The following ARHGEF18 variants were observed in gnomAD, a reference collection of about 807,000 sequenced individuals.
ARHGEF18 encodes rho guanine nucleotide exchange factor 18.
A neutral mutation model predicts 155.7 loss-of-function variants in ARHGEF18; 93 were observed. The ratio of observed to expected loss-of-function variants is 0.60; its 90% CI spans 0.50 to 0.71. The LOEUF (loss-of-function observed/expected upper bound fraction) is 0.71, where lower values mean the gene tolerates loss of function less well. Ranked by LOEUF, ARHGEF18 falls within the 30% of genes least tolerant of loss-of-function variation. ARHGEF18 has a pLI of 0.00. For missense variants in ARHGEF18, 1,593 were observed against 1,816.1 expected (o/e 0.88, Z 2.23); for synonymous variants, 742 against 753.1 (o/e 0.99, Z 0.24).
chr19:7,429,965 C>CTT (rs539476076), intron 10 of ARHGEF18, among the ~76,000 whole-genome samples: 16 of 144,126 alleles, frequency 1.1e-4, no homozygotes, highest in African/African-American at 3.6e-4. Context: ...CCTCAATATA[C>CTT]TTTTTTTTTT....
Position 7,420,029 on chromosome 19 carries a change from C to T in ARHGEF18, c.968-20315C>T, listed in dbSNP as rs535649144. The stretch of plus-strand genomic sequence containing the variant: ...TCGGCCCCTGCACCCCAGGTGCACC[C>T]ACACTCAGCCCCCACACTCACGCTA... On this transcript the variant is annotated intron_variant, in intron 10 of 28. Transcript: ENST00000668164. 1.2e-4 allele frequency among the ~76,000 whole-genome samples: 19 copies of T among 152,166 alleles called. No individual in the cohort carries two copies. The East Asian group carries it at 3.5e-3, about 28-fold the overall frequency.
In ARHGEF18 at chr19:7,395,850, T is replaced by A. The variant is rs1971668876; in HGVS notation, c.967+12647T>A. Among the ~76,000 whole-genome samples, 1 of 152,224 alleles carries A rather than the reference T, an allele frequency of 6.6e-6. No individual in the cohort carries two copies. The highest frequency in any genetic ancestry group is 1.5e-5 in the Non-Finnish European group (1 of 68,040). ...TCGTTTTGTTTTACGTTTTTAAATTTCAACTTTTATTTGAGATTGAGGGGG... is the reference window on the plus strand; with the variant it reads ...TCGTTTTGTTTTACGTTTTTAAATTACAACTTTTATTTGAGATTGAGGGGG... On this transcript the variant is annotated intron_variant, in intron 10 of 28. Coordinates refer to ENST00000668164, the MANE Select transcript of ARHGEF18 (RefSeq NM_001367823.1). This position sits in a 1 kb window ranked among gnomAD's most constrained non-coding sequence, Gnocchi z 5.0.
At chr19:7,380,396 G>A (rs1353270977) in intron 7 of ARHGEF18, among the ~76,000 whole-genome samples, 4 of 150,900 alleles carry the variant, frequency 2.7e-5, no homozygotes, top group Non-Finnish European at 4.4e-5. Flanking sequence ...GGAGAATGGC[G>A]TGAACCCAGG....
At chr19:7,399,534 T>G (rs937276735) in intron 10 of ARHGEF18, among the ~76,000 whole-genome samples, 6 of 151,060 alleles carry the variant, frequency 4.0e-5, no homozygotes, top group Non-Finnish European at 8.8e-5. Context: ...CAGCCTGGAG[T>G]GCAGTGGCGC....
intron 25 of ARHGEF18, 22 bp downstream of exon 25, chr19:7,467,140 G>A (rs762550252): frequency 3.2e-6 from 5 of 1,586,418 alleles, no homozygotes; most frequent in Middle Eastern, 3.4e-4. Flanking sequence ...GGGTGGGGCC[G>A]GCCACGCGTG....
At chr19:7,443,258 T>C (rs1974783586) in intron 13 of ARHGEF18, among the ~76,000 whole-genome samples, 1 of 152,084 alleles carries the variant, frequency 6.6e-6, no homozygotes, top group African/African-American at 2.4e-5. Flanking sequence ...TGTTTCACCA[T>C]GTTGGTCAGG....
chr19:7,422,818 A>C (rs1973443362), intron 10 of ARHGEF18, among the ~76,000 whole-genome samples: 1 of 147,480 alleles, frequency 6.8e-6, no homozygotes, highest in Non-Finnish European at 1.5e-5. Context: ...TCCCAGGTTC[A>C]AGCAATTCTC....
At chr19:7,367,658 C>A (rs113823023) in intron 2 of ARHGEF18, among the ~76,000 whole-genome samples, 14,124 of 144,974 alleles carry the variant, frequency 0.097, 1,898 homozygotes, top group African/African-American at 0.32. Context: ...AGGCAGGAGA[C>A]TCACTTGAAC....
intron 1 of ARHGEF18, among the ~76,000 whole-genome samples, chr19:7,362,087 A>G (rs1466430837): frequency 6.2e-5 from 1 of 16,224 alleles, no homozygotes; most frequent in Non-Finnish European, 1.1e-4. Flanking sequence ...GAGAAGGAGA[A>G]GGAGAAGGAG....
chr19:7,368,020 C>CGGAAGGAA (rs374690580), intron 2 of ARHGEF18, among the ~76,000 whole-genome samples: 27 of 95,188 alleles, frequency 2.8e-4, no homozygotes, highest in South Asian at 9.3e-4. Context: ...GGAGGGAGGG[C>CGGAAGGAA]GGAAGGAAGG....
chr19:7,367,746 CAAAA>C (rs776839774), intron 2 of ARHGEF18, among the ~76,000 whole-genome samples: 14 of 36,332 alleles, frequency 3.9e-4, no homozygotes, highest in East Asian at 1.7e-3. Context: ...AACTCCATCT[CAAAA>C]AAAAAAAAAT....
At chr19:7,362,134 A>G (rs1160658518) in intron 1 of ARHGEF18, among the ~76,000 whole-genome samples, 2 of 35,028 alleles carry the variant, frequency 5.7e-5, no homozygotes, top group African/African-American at 5.2e-4. Flanking sequence ...GGAGAAGGAG[A>G]AGGAGAAGGA....
At chr19:7,360,603 G>A (rs1023687801) in intron 1 of ARHGEF18, among the ~76,000 whole-genome samples, 2 of 152,156 alleles carry the variant, frequency 1.3e-5, no homozygotes, top group Non-Finnish European at 2.9e-5. Context: ...AGGGCATGAG[G>A]TCCTGCAGGC....
At chr19:7,460,634 T>TCA (rs71179115) in intron 20 of ARHGEF18, among the ~76,000 whole-genome samples, 116,503 of 151,086 alleles carry the variant, frequency 0.77, 45,214 homozygotes, top group East Asian at 0.85. Context: ...ATAAATGGAG[T>TCA]CACACCGCGC....
intron 10 of ARHGEF18, among the ~76,000 whole-genome samples, chr19:7,420,006 G>A (rs10424094): frequency 1.4e-4 from 20 of 146,412 alleles, no homozygotes; most frequent in South Asian, 6.5e-4. Flanking sequence ...ACCCACACTC[G>A]GCCCCTGCAC....
At position 7,440,434 on chromosome 19, in the gene ARHGEF18, G is replaced by T. The variant is rs1974568182; in HGVS notation, c.1058G>T (p.Gly353Val). 2.5e-6 allele frequency: 4 copies of T among 1,602,138 alleles called. No homozygotes were observed. The highest frequency in any genetic ancestry group is 1.3e-5 in the African/African-American group (1 of 74,932). Residue 353 changes from glycine (G) to valine (V), a missense_variant, in exon 11 of 29, where the codon GGG (glycine) becomes GTG (valine). Gly to Val is a moderately radical substitution (Grantham distance 109). Transcript: ENST00000668164. The surrounding 1 kb of genome is among the most constrained non-coding windows in gnomAD (Gnocchi z 5.4). Reference protein sequence around the residue: ...RNVGMTVSQKGGPQPTPSPAG... With the variant: ...RNVGMTVSQKVGPQPTPSPAG... ...GTCGGTATGACGGTCTCTCAGAAAG[G>T]GGGTCCCCAGCCAACACCGAGCCCG...
chr19:7,368,508 C>G (rs988162040), intron 2 of ARHGEF18, among the ~76,000 whole-genome samples: 3 of 152,172 alleles, frequency 2.0e-5, no homozygotes, highest in African/African-American at 7.2e-5. Flanking sequence ...CCCTCTCTCC[C>G]TCCCTCAATG....
intron 10 of ARHGEF18, among the ~76,000 whole-genome samples, chr19:7,403,958 A>G (rs1972154908): frequency 6.6e-6 from 1 of 151,918 alleles, no homozygotes. Context: ...CCAGCTACTG[A>G]TGAGGCTGAG....
chr19:7,417,201 C>G (rs982241941), intron 10 of ARHGEF18, among the ~76,000 whole-genome samples: 12 of 152,142 alleles, frequency 7.9e-5, no homozygotes, highest in Admixed American at 7.9e-4. Context: ...GTGTGAACCA[C>G]TACACCTGGC....
Sources: allele counts gnomAD v4.1 joint callset (sites outside exome capture counted in the v4.1 genomes callset), GRCh38; gene constraint gnomAD v4.1.1; non-coding constraint Gnocchi (gnomAD v3.1); transcripts MANE v1.5; gene names NCBI Gene and HGNC (gene_info 2026-07-23, HGNC 2026-07-21).